The following STOX2 variants were observed in gnomAD, a reference collection of about 807,000 sequenced individuals.
The protein encoded by STOX2 is storkhead box 2.
A neutral mutation model predicts 60.9 loss-of-function variants in STOX2; 28 were observed. That is an observed-to-expected ratio of 0.46 (90% CI 0.34 to 0.63). The LOEUF (loss-of-function observed/expected upper bound fraction) is 0.63, where lower values mean the gene tolerates loss of function less well. Among genes scored for constraint, STOX2 ranks in the 30% least tolerant of loss-of-function variants. The pLI is 0.01. For synonymous variants in STOX2, 472 were observed against 463.9 expected, an observed-to-expected ratio of 1.02 and a Z score of -0.22; for missense variants, 1,024 against 1,187.7, an observed-to-expected ratio of 0.86 and a Z score of 2.03.
chr4:183,946,494 G>T (rs771030649), intron 1 of STOX2, among the ~76,000 whole-genome samples: 1 of 152,142 alleles, frequency 6.6e-6, no homozygotes, highest in Non-Finnish European at 1.5e-5. Flanking sequence ...ATATCTGTGG[G>T]TTCTGCATCC....
chr4:183,861,551 G>A (rs1740446962), intron 1 of STOX2, among the ~76,000 whole-genome samples: 1 of 152,162 alleles, frequency 6.6e-6, no homozygotes, highest in Non-Finnish European at 1.5e-5. Context: ...TGTGGATTTT[G>A]GAGTTGGAAC....
intron 1 of STOX2, among the ~76,000 whole-genome samples, chr4:183,822,956 A>G (rs989386670): frequency 6.6e-6 from 1 of 152,232 alleles, no homozygotes. Context: ...GAGCCTGCAC[A>G]TGGCTCTCCT....
At chr4:183,923,437 G>T (rs1742156729) in intron 1 of STOX2, among the ~76,000 whole-genome samples, 1 of 152,138 alleles carries the variant, frequency 6.6e-6, no homozygotes, top group Admixed American at 6.5e-5. Context: ...TCTCTGTGTT[G>T]TCTGCTGCAC....
At chr4:183,893,127 T>A (rs1272981499) in intron 1 of STOX2, among the ~76,000 whole-genome samples, 1 of 151,216 alleles carries the variant, frequency 6.6e-6, no homozygotes, top group Non-Finnish European at 1.5e-5. Context: ...TTTTTTCCCC[T>A]CTCCCTCACT....
Position 184,018,329 on chromosome 4 carries a change from A to T in STOX2, c.*1045A>T, listed in dbSNP as rs1055711590. ...TAGTTTTAAATAGAATGCCTAAATT[A>T]GGCTGTGGGAGATAATTTTTAGTGG... On this transcript the variant is annotated 3_prime_UTR_variant, in exon 4 of 4. Coordinates refer to ENST00000308497, the MANE Select transcript of STOX2 (RefSeq NM_020225.3). 6.6e-6 allele frequency: 1 copy of T among 152,232 alleles called. No individual in the cohort carries two copies. Among genetic ancestry groups the T allele is most frequent in the East Asian group, 1.9e-4 (1 of 5,200 alleles). 9.4% of individuals were successfully genotyped at this position (152,232 alleles called of 1,614,324 possible). A position where few individuals can be genotyped will look rare whatever the true frequency, so the allele number is the denominator to read the frequency against.
Position 183,821,466 on chromosome 4 carries a change from A to T in STOX2, c.364+23411A>T, listed in dbSNP as rs1431073123. Among the ~76,000 whole-genome samples, 1 of 152,208 alleles carries T rather than the reference A, an allele frequency of 6.6e-6. No individual in the cohort carries two copies. The highest frequency in any genetic ancestry group is 1.5e-5 in the Non-Finnish European group (1 of 68,030). ...TGAAAATTGTAATTCCTTTTCTTCT[A>T]CCTGCTGGATATTTTCACCCATGAC... On this transcript the variant is annotated intron_variant, in intron 1 of 2. Transcript: ENST00000513034. The surrounding 1 kb of genome is among the most constrained non-coding windows in gnomAD (Gnocchi z 4.2).
rs1458999411 is a variant in STOX2 at position 184,017,848 on chromosome 4, T to C, written c.*564T>C. ...CGGCCCTTTGTGTGTGAATTGTTTA[T>C]GCACCAGTCATTTTTCACTGTGAGT... On this transcript the variant is annotated 3_prime_UTR_variant, in exon 4 of 4. Transcript: ENST00000308497. 1 of 152,228 alleles carries C rather than the reference T, an allele frequency of 6.6e-6. No homozygotes were observed. The highest frequency in any genetic ancestry group is 1.9e-4 in the East Asian group (1 of 5,208). The allele number at this position is 152,228 out of a possible 1,614,324, so 9.4% of individuals were successfully genotyped here.
upstream of STOX2, among the ~76,000 whole-genome samples, chr4:183,902,456 T>A (rs1312250687): frequency 6.6e-6 from 1 of 152,224 alleles, no homozygotes; most frequent in Non-Finnish European, 1.5e-5. Flanking sequence ...ATTTGCTTTA[T>A]CATTCATTTA....
At chr4:183,871,988 T>C (rs1327738192) in intron 1 of STOX2, among the ~76,000 whole-genome samples, 1 of 152,192 alleles carries the variant, frequency 6.6e-6, no homozygotes, top group East Asian at 1.9e-4. Context: ...TATGAAGTGC[T>C]GCAGGTATTA....
chr4:183,939,812 A>G (rs1275367017), intron 1 of STOX2, among the ~76,000 whole-genome samples: 1 of 152,204 alleles, frequency 6.6e-6, no homozygotes, highest in South Asian at 2.1e-4. Context: ...GCAAGATGAC[A>G]TAATGGCGAA....
At chr4:183,989,182 T>TG (rs1201438626) in intron 1 of STOX2, among the ~76,000 whole-genome samples, 41 of 56,640 alleles carry the variant, frequency 7.2e-4, no homozygotes, top group African/African-American at 2.1e-3. Context: ...TTTTTTTTTT[T>TG]TTTTTTTTTT....
intron 1 of STOX2, among the ~76,000 whole-genome samples, chr4:183,991,709 C>A (rs1733115046): frequency 1.3e-5 from 2 of 152,160 alleles, no homozygotes; most frequent in African/African-American, 2.4e-5. Flanking sequence ...CAAGCATGAG[C>A]CACCGCGCCC....
chr4:183,913,187 G>A (rs1301886052), intron 1 of STOX2, among the ~76,000 whole-genome samples: 1 of 152,182 alleles, frequency 6.6e-6, no homozygotes, highest in East Asian at 1.9e-4. Flanking sequence ...TACAAACCAA[G>A]GCATGAAGCT....
chr4:183,991,541 C>A (rs1052541086), intron 1 of STOX2, among the ~76,000 whole-genome samples: 11 of 152,018 alleles, frequency 7.2e-5, no homozygotes, highest in Admixed American at 2.0e-4. Context: ...GATTCTCCCG[C>A]CTCAGCCACC....
intron 2 of STOX2, among the ~76,000 whole-genome samples, chr4:184,006,978 T>A (rs530801661): frequency 3.2e-4 from 39 of 120,526 alleles, no homozygotes; most frequent in African/African-American, 6.5e-4. Context: ...ATCCCGCCAC[T>A]GCACTCCAGC....
At chr4:183,841,498 C>T (rs1319445182) in intron 1 of STOX2, among the ~76,000 whole-genome samples, 1 of 152,180 alleles carries the variant, frequency 6.6e-6, no homozygotes. Flanking sequence ...CAGGCTTGAG[C>T]CACTGTGCCA....
At chr4:183,826,203 A>G (rs1338960976) in intron 1 of STOX2, among the ~76,000 whole-genome samples, 6 of 152,058 alleles carry the variant, frequency 3.9e-5, no homozygotes, top group Admixed American at 3.3e-4. Context: ...GAGAAAACAA[A>G]CTCAGCTGCC....
chr4:183,840,272 A>G (rs1739823889), intron 1 of STOX2, among the ~76,000 whole-genome samples: 1 of 152,210 alleles, frequency 6.6e-6, no homozygotes. Context: ...TGGATGGATT[A>G]TTTAAAATAA....
intron 1 of STOX2, among the ~76,000 whole-genome samples, chr4:183,989,169 G>GTTTTTTTTTTTTT (rs11421201): frequency 6.3e-5 from 5 of 79,984 alleles, no homozygotes; most frequent in African/African-American, 1.2e-4. Context: ...ATTTTTTCTG[G>GTTTTTTTTTTTTT]TTTTTTTTTT....
Sources: allele counts gnomAD v4.1 joint callset (sites outside exome capture counted in the v4.1 genomes callset), GRCh38; gene constraint gnomAD v4.1.1; non-coding constraint Gnocchi (gnomAD v3.1); transcripts MANE v1.5; gene names NCBI Gene and HGNC (gene_info 2026-07-23, HGNC 2026-07-21).